The following WNT8A variants were observed in gnomAD, a reference collection of about 807,000 sequenced individuals.
WNT8A encodes the protein Wnt family member 8A.
In WNT8A, 14 loss-of-function variants were observed where a neutral mutation model predicts 20.5. The observed-to-expected ratio is 0.68, with a 90% confidence interval of 0.45 to 1.07. WNT8A has a LOEUF of 1.07. Ranked by LOEUF, WNT8A falls within the 50% of genes least tolerant of loss-of-function variation. The pLI is 0.00. For missense variants in WNT8A, 397 were observed against 462.9 expected (o/e 0.86, Z 1.31); for synonymous variants, 167 against 169.2 (o/e 0.99, Z 0.10).
chr5:138,087,973 C>T (rs191100583), intron 3 of WNT8A, 42 bp downstream of exon 3: 1 of 1,608,668 alleles, frequency 6.2e-7, no homozygotes, highest in Admixed American at 1.7e-5. Context: ...AGGTGAGGGG[C>T]TACAGAGCTG....
chr5:138,084,027 C>A, upstream of WNT8A: 1 of 1,481,660 alleles, frequency 6.7e-7, no homozygotes, highest in Non-Finnish European at 9.3e-7. Context: ...AAGACCCTGC[C>A]CTCTCCTCAC....
upstream of WNT8A, among the ~76,000 whole-genome samples, chr5:138,081,255 G>T (rs1750505699): frequency 1.3e-5 from 2 of 150,852 alleles, no homozygotes; most frequent in Admixed American, 6.6e-5. Flanking sequence ...AAAACTATAT[G>T]ATCTTTATAG....
upstream of WNT8A, among the ~76,000 whole-genome samples, chr5:138,082,098 G>A (rs1175996456): frequency 6.6e-6 from 1 of 152,162 alleles, no homozygotes; most frequent in East Asian, 1.9e-4. Flanking sequence ...TTCCATCTAT[G>A]CTTTCCTCTG....
At chr5:138,088,541 A>G (rs1750745570) in intron 3 of WNT8A, among the ~76,000 whole-genome samples, 1 of 152,024 alleles carries the variant, frequency 6.6e-6, no homozygotes, top group Non-Finnish European at 1.5e-5. Context: ...TATTTTTAGT[A>G]GAGATGGGGT....
At chr5:138,090,195 G>A (rs534785132) in intron 4 of WNT8A, among the ~76,000 whole-genome samples, 1 of 152,230 alleles carries the variant, frequency 6.6e-6, no homozygotes, top group African/African-American at 2.4e-5. Context: ...TCTTATTCCA[G>A]CTGGGCAGAT....
intron 4 of WNT8A, among the ~76,000 whole-genome samples, chr5:138,089,671 G>A (rs1376694221): frequency 6.6e-6 from 1 of 152,130 alleles, no homozygotes; most frequent in Non-Finnish European, 1.5e-5. Flanking sequence ...TTGGGCTTGG[G>A]GTTTTTTTGA....
At chr5:138,088,401 G>C (rs1297341670) in intron 3 of WNT8A, among the ~76,000 whole-genome samples, 2 of 147,492 alleles carry the variant, frequency 1.4e-5, no homozygotes, top group Admixed American at 1.4e-4. Context: ...CTGTCGACTA[G>C]GCTGGAGTGC....
upstream of WNT8A, among the ~76,000 whole-genome samples, chr5:138,082,351 G>T (rs1426633771): frequency 6.6e-6 from 1 of 152,160 alleles, no homozygotes; most frequent in Non-Finnish European, 1.5e-5. Context: ...GGCCAAAGGC[G>T]TGTGGATCAC....
chr5:138,090,489 C>A, intron 4 of WNT8A, 39 bp from the exon 5 acceptor site: 1 of 1,579,574 alleles, frequency 6.3e-7, no homozygotes, highest in South Asian at 1.1e-5. Flanking sequence ...TTGGTCTTCC[C>A]TACTCAGAGC....
At chr5:138,082,876 AAAAT>A (rs61652264), upstream of WNT8A, among the ~76,000 whole-genome samples, 1,989 of 137,786 alleles carry the variant, frequency 0.014, 26 homozygotes, top group African/African-American at 0.033. Flanking sequence ...ACTCCATCTC[AAAAT>A]AAATAAATAA....
chr5:138,091,657 C>A, downstream of WNT8A: 1 of 511,930 alleles, frequency 2.0e-6, no homozygotes, highest in Non-Finnish European at 3.1e-6. Flanking sequence ...AAGACACCAT[C>A]TCTACACAAA....
At position 138,084,215 on chromosome 5, in the gene WNT8A, A is replaced by G. The variant is rs1750585559; in HGVS notation, c.88A>G (p.Ile30Val). 10 of 1,613,904 alleles carry G rather than the reference A, an allele frequency of 6.2e-6. No homozygotes were observed. The highest frequency in any genetic ancestry group is 8.5e-6 in the Non-Finnish European group (10 of 1,179,990). Residue 30 changes from isoleucine to valine, a missense_variant, in exon 1 of 5, where the codon ATT becomes GTT. Ile to Val is a conservative substitution (Grantham distance 29, BLOSUM62 3). Coordinates refer to ENST00000506684, the MANE Select transcript of WNT8A (RefSeq NM_001300939.2). The stretch of plus-strand genomic sequence containing the variant: ...AGGAGGCCCCCATTGTCTCATCCCC[A>G]TTCACCTCTGCCTCACTTTTTCTCT... ...CQGGPHCLIP[I>V]HLCLTFSLFG...
Position 138,091,504 on chromosome 5 carries a change from G to A in WNT8A, c.*431G>A. Reference sequence around the variant, plus strand: ...AAAGAGTTCTGTTCAGACTTCTGAAGAGCAGCCTGTGGCTACAAATCTATG... The same window carrying A: ...AAAGAGTTCTGTTCAGACTTCTGAAAAGCAGCCTGTGGCTACAAATCTATG... On this transcript the variant is annotated 3_prime_UTR_variant, in exon 5 of 5. Transcript: ENST00000506684. 7.5e-7 allele frequency: 1 copy of A among 1,337,898 alleles called. No individual in the cohort carries two copies. Among genetic ancestry groups the A allele is most frequent in the South Asian group, 1.2e-5 (1 of 86,852 alleles). The allele number at this position is 1,337,898 out of a possible 1,614,324, so 82.9% of individuals were successfully genotyped here. A position where few individuals can be genotyped will look rare whatever the true frequency, so the allele number is the denominator to read the frequency against.
chr5:138,081,746 C>T (rs896643546), upstream of WNT8A, among the ~76,000 whole-genome samples: 2 of 152,064 alleles, frequency 1.3e-5, no homozygotes, highest in African/African-American at 2.4e-5. Context: ...TTGTCCTCAT[C>T]CTTCTGAAGA....
intron 2 of WNT8A, among the ~76,000 whole-genome samples, chr5:138,086,733 T>A (rs1750674240): frequency 6.6e-6 from 1 of 151,310 alleles, no homozygotes; most frequent in Non-Finnish European, 1.5e-5. Context: ...TGAGACCCTA[T>A]TTCTAATACA....
chr5:138,087,588 C>G (rs1428311704), intron 2 of WNT8A, among the ~76,000 whole-genome samples: 1 of 124,916 alleles, frequency 8.0e-6, no homozygotes, highest in African/African-American at 3.1e-5. Context: ...ACCTGGGAGG[C>G]AGAGGTTGCA....
rs879319134 is a variant in WNT8A at position 138,091,250 on chromosome 5, C to T, written c.*177C>T. The T allele has an allele frequency of 3.4e-5, 54 of 1,569,712 alleles. No individual in the cohort carries two copies. The Admixed American group carries it at 3.5e-4, about 10-fold the overall frequency. ...CCAAGATTCTACAGCATATTCCTGGCGGGGCTGAAATTGGAACCTGGGCCT... is the reference window on the plus strand; with the variant it reads ...CCAAGATTCTACAGCATATTCCTGGTGGGGCTGAAATTGGAACCTGGGCCT... On this transcript the variant is annotated 3_prime_UTR_variant, in exon 5 of 5. Transcript: ENST00000506684.
chr5:138,088,958 C>T lies in WNT8A; in HGVS notation c.453C>T (p.Ser151=), dbSNP rs201937666. 259 of 1,613,918 alleles carry T rather than the reference C, an allele frequency of 1.6e-4. No homozygotes were observed. The African/African-American group carries it at 2.9e-3, about 18-fold the overall frequency. ...ATGGCTGGATCTGGGGAGGCTGCAGCGACAATGTGGAATTTGGGGAAAGGA... is the reference window on the plus strand; with the variant it reads ...ATGGCTGGATCTGGGGAGGCTGCAGTGACAATGTGGAATTTGGGGAAAGGA... The part of the protein sequence containing the change: ...GGHGWIWGGC[S]DNVEFGERIS... Residue 151 remains serine, a synonymous_variant, in exon 4 of 5, where the codon AGC becomes AGT. Transcript: ENST00000506684.
In WNT8A at chr5:138,084,085, G is replaced by A; in HGVS notation, c.-43G>A. ...TGGACCTGGTCCACTGGGGTAGGCAGGGCGATGGGGAACCTGTTTATGCTC... is the reference window on the plus strand; with the variant it reads ...TGGACCTGGTCCACTGGGGTAGGCAAGGCGATGGGGAACCTGTTTATGCTC... On this transcript the variant is annotated 5_prime_UTR_variant, in exon 1 of 5. Transcript: ENST00000506684. 1 of 1,612,044 alleles carries A rather than the reference G, an allele frequency of 6.2e-7. No homozygotes were observed. The highest frequency in any genetic ancestry group is 8.5e-7 in the Non-Finnish European group (1 of 1,178,506).
Sources: gnomAD v4.1 joint callset for allele counts (sites outside exome capture counted in the v4.1 genomes callset) on GRCh38, gnomAD v4.1.1 for gene constraint, MANE v1.5 for transcripts, NCBI Gene and HGNC (gene_info 2026-07-23, HGNC 2026-07-21) for gene names.